GDAP1: variants seen among roughly 807,000 people sequenced by gnomAD.
GDAP1 encodes ganglioside induced differentiation associated protein 1.
Under a neutral mutation model 40.1 loss-of-function variants are expected in GDAP1, and 34 were observed. The observed-to-expected ratio is 0.85, with a 90% CI of 0.64 to 1.13. The LOEUF (loss-of-function observed/expected upper bound fraction) is 1.13. Among genes scored for constraint, GDAP1 ranks in the 50% most tolerant of loss-of-function variants. The pLI is 0.00. For synonymous variants in GDAP1, 170 were observed against 157.4 expected (o/e 1.08, Z -0.60); for missense variants, 374 against 433.7 (o/e 0.86, Z 1.22).
At chr8:74,386,835 CT>C in intron 2 of GDAP1, among the ~76,000 whole-genome samples, 1 of 152,210 alleles carries the variant, frequency 6.6e-6, no homozygotes, top group Middle Eastern at 3.4e-3. Context: ...TATTTTTCCA[CT>C]GTTTGTGTCC....
chr8:74,441,819 C>G (rs1380590159), intron 2 of GDAP1, among the ~76,000 whole-genome samples: 2 of 152,144 alleles, frequency 1.3e-5, no homozygotes, highest in African/African-American at 4.8e-5. Flanking sequence ...AAGACTGGCT[C>G]TGAACATTTT....
intron 2 of GDAP1, among the ~76,000 whole-genome samples, chr8:74,403,919 T>C (rs1392448312): frequency 1.3e-5 from 2 of 150,182 alleles, no homozygotes; most frequent in Non-Finnish European, 2.9e-5. Flanking sequence ...TTATTCTCTT[T>C]GTTGAGCAAA....
chr8:74,364,467 AT>A lies in GDAP1; in HGVS notation c.*106del. ...TCTGTCTTATTGAGTAGTTAGCAGTATTTTTTCCTAAAATTCAGAAGTCATC... is the reference window on the plus strand; with the variant it reads ...TCTGTCTTATTGAGTAGTTAGCAGTATTTTTCCTAAAATTCAGAAGTCATC... On this transcript the variant is annotated 3_prime_UTR_variant, in exon 6 of 6. Coordinates refer to ENST00000220822, the MANE Select transcript of GDAP1 (RefSeq NM_018972.4). 8.2e-7 allele frequency: 1 copy of A among 1,213,092 alleles called. No homozygotes were observed. Among genetic ancestry groups the A allele is most frequent in the Non-Finnish European group, 1.2e-6 (1 of 828,762 alleles). 75.1% of individuals were successfully genotyped at this position (1,213,092 alleles called of 1,614,324 possible).
chr8:74,449,241 A>G (rs1475771905), intron 2 of GDAP1, among the ~76,000 whole-genome samples: 1 of 151,924 alleles, frequency 6.6e-6, no homozygotes, highest in Admixed American at 6.6e-5. Flanking sequence ...CGTGTTGATT[A>G]CTATAGCTGA....
At chr8:74,466,442 A>T (rs1411334719) in intron 2 of GDAP1, among the ~76,000 whole-genome samples, 1 of 152,216 alleles carries the variant, frequency 6.6e-6, no homozygotes, top group East Asian at 1.9e-4. Context: ...TTAACAGGCT[A>T]CCACAGTAAT....
intron 2 of GDAP1, among the ~76,000 whole-genome samples, chr8:74,398,760 A>C (rs13277154): frequency 0.36 from 54,124 of 151,932 alleles, 10,210 homozygotes; most frequent in Middle Eastern, 0.46. Context: ...TAGCATGAAG[A>C]GTTGTTGAAT....
At chr8:74,484,561 A>G (rs1806751927) in intron 2 of GDAP1, among the ~76,000 whole-genome samples, 2 of 152,202 alleles carry the variant, frequency 1.3e-5, no homozygotes, top group Admixed American at 6.5e-5. Context: ...AGCAAAGTTG[A>G]TCATAAAATT....
intron 2 of GDAP1, chr8:74,376,563 G>GA (rs1262798790): frequency 6.6e-6 from 1 of 151,656 alleles, no homozygotes; most frequent in Non-Finnish European, 1.5e-5. Context: ...GTTAGCTAGG[G>GA]TGGTCTCGAT....
intron 2 of GDAP1, among the ~76,000 whole-genome samples, chr8:74,467,455 G>A (rs1173230184): frequency 6.6e-6 from 1 of 152,180 alleles, no homozygotes; most frequent in Non-Finnish European, 1.5e-5. Flanking sequence ...CAAGGGGTTT[G>A]AGGGCTTATT....
downstream of GDAP1, among the ~76,000 whole-genome samples, chr8:74,371,386 C>T (rs575424724): frequency 4.2e-4 from 64 of 152,274 alleles, no homozygotes; most frequent in Middle Eastern, 3.4e-3. Context: ...TATGGCCGGG[C>T]GCGGTGGCTC....
chr8:74,412,350 T>C (rs1332358784), intron 2 of GDAP1, among the ~76,000 whole-genome samples: 1 of 150,014 alleles, frequency 6.7e-6, no homozygotes, highest in Non-Finnish European at 1.5e-5. Context: ...AAGCTGAAGT[T>C]CCAGAAAGAG....
At position 74,410,221 on chromosome 8, in the gene GDAP1, G is replaced by A. The variant is rs191131910; in HGVS notation, c.165+58900G>A. ...CTGGTGCCAACTCATCCACCAAGAC[G>A]TGAAGTCTGCTGAAAATTACAGCAT... On this transcript the variant is annotated intron_variant, in intron 2 of 2. Transcript: ENST00000523640. Among the ~76,000 whole-genome samples the A allele has an allele frequency of 1.0e-4, 15 of 150,040 alleles. 2 individuals are homozygous for A. The highest frequency in any genetic ancestry group is 2.1e-4 in the South Asian group (1 of 4,808).
At chr8:74,456,066 A>G (rs1806332787) in intron 2 of GDAP1, among the ~76,000 whole-genome samples, 1 of 151,934 alleles carries the variant, frequency 6.6e-6, no homozygotes, top group Non-Finnish European at 1.5e-5. Flanking sequence ...TTTCATCCCT[A>G]CGATCAATTA....
At position 74,364,485 on chromosome 8, in the gene GDAP1, G is replaced by C. The variant is rs1215649542; in HGVS notation, c.*118G>C. Reference sequence around the variant, plus strand: ...TAGCAGTATTTTTTCCTAAAATTCAGAAGTCATCTTTGTTACACAACACAG... The same window carrying C: ...TAGCAGTATTTTTTCCTAAAATTCACAAGTCATCTTTGTTACACAACACAG... On this transcript the variant is annotated 3_prime_UTR_variant, in exon 6 of 6. Transcript: ENST00000220822. 1 of 1,080,028 alleles carries C rather than the reference G, an allele frequency of 9.3e-7. No homozygotes were observed. The highest frequency in any genetic ancestry group is 1.3e-5 in the South Asian group (1 of 79,102). The allele number at this position is 1,080,028 out of a possible 1,614,324, so 66.9% of individuals were successfully genotyped here.
downstream of GDAP1, among the ~76,000 whole-genome samples, chr8:74,367,842 G>A (rs2131529117): frequency 6.6e-6 from 1 of 152,338 alleles, no homozygotes; most frequent in Admixed American, 6.5e-5. Flanking sequence ...GATGACAGCA[G>A]TATCCTTTAT....
chr8:74,374,381 A>T lies in GDAP1; in HGVS notation c.165+23060A>T, dbSNP rs186150933. ...GGTAGAATGGGAAATTTATAGCTTT[A>T]AATGCCTGTTTTGCAAGAGAAGGAA... On this transcript the variant is annotated intron_variant, in intron 2 of 2. Transcript: ENST00000523640. Among the ~76,000 whole-genome samples, 944 of 152,256 alleles carry T rather than the reference A, an allele frequency of 6.2e-3. 3 individuals are homozygous for T. The highest frequency in any genetic ancestry group is 0.034 in the Middle Eastern group (10 of 294).
At chr8:74,455,095 TA>T (rs1806319357) in intron 2 of GDAP1, among the ~76,000 whole-genome samples, 1 of 151,986 alleles carries the variant, frequency 6.6e-6, no homozygotes, top group African/African-American at 2.4e-5. Flanking sequence ...AAACTTTTAT[TA>T]AAATTAAAAG....
intron 2 of GDAP1, among the ~76,000 whole-genome samples, chr8:74,392,875 G>A (rs1432998984): frequency 6.6e-6 from 1 of 152,228 alleles, no homozygotes; most frequent in East Asian, 1.9e-4. Context: ...ACCTGCTGCA[G>A]ATGAAGAACA....
At chr8:74,405,024 C>T (rs1805619030) in intron 2 of GDAP1, among the ~76,000 whole-genome samples, 1 of 149,940 alleles carries the variant, frequency 6.7e-6, no homozygotes, top group African/African-American at 2.5e-5. Flanking sequence ...TGTTCTCATG[C>T]TGCTAATAAA....
Sources: allele counts gnomAD v4.1 joint callset (sites outside exome capture counted in the v4.1 genomes callset), GRCh38; gene constraint gnomAD v4.1.1; transcripts MANE v1.5; gene names NCBI Gene and HGNC (gene_info 2026-07-23, HGNC 2026-07-21).